The following RXYLT1 variants were observed in gnomAD, a reference collection of about 807,000 sequenced individuals.
The protein encoded by RXYLT1 is ribitol-5-phosphate xylosyltransferase 1.
In RXYLT1, 41 loss-of-function variants were observed where a neutral mutation model predicts 43.5. The ratio of observed to expected loss-of-function variants is 0.94; its 90% CI spans 0.73 to 1.22. The LOEUF is 1.22. Among genes scored for constraint, RXYLT1 ranks in the 50% most tolerant of loss-of-function variants. RXYLT1 has a pLI of 0.00. For missense variants in RXYLT1, 514 were observed against 532.0 expected (o/e 0.97, Z 0.33); for synonymous variants, 166 against 194.4 (o/e 0.85, Z 1.21).
At chr12:63,781,780 A>T (rs528468783) in intron 2 of RXYLT1, among the ~76,000 whole-genome samples, 1 of 152,268 alleles carries the variant, frequency 6.6e-6, no homozygotes, top group Non-Finnish European at 1.5e-5. Context: ...TTAAAGAGTC[A>T]CAAAGAATTT....
At chr12:63,792,991 C>T (rs1897951553) in intron 3 of RXYLT1, among the ~76,000 whole-genome samples, 2 of 152,204 alleles carry the variant, frequency 1.3e-5, no homozygotes, top group South Asian at 2.1e-4. Flanking sequence ...ACTACAGCCT[C>T]TAACTCCTGG....
At position 63,780,021 on chromosome 12, in the gene RXYLT1, C is replaced by G. The variant is rs767388678; in HGVS notation, c.61C>G (p.Leu21Val). 6.2e-7 allele frequency: 1 copy of G among 1,610,138 alleles called. No individual in the cohort carries two copies. Among genetic ancestry groups the G allele is most frequent in the Non-Finnish European group, 8.5e-7 (1 of 1,178,704 alleles). Residue 21 changes from leucine (L) to valine (V), a missense_variant, in exon 1 of 6, where the codon CTC becomes GTC. Physicochemically the swap from Leu to Val is conservative, Grantham distance 32 (BLOSUM62 1). Transcript: ENST00000261234. Reference sequence around the variant, plus strand: ...TATCGCCCTGTACTGCCTATTCTCCCTCTACGCTGCCTACCACGTCTTCTT... The same window carrying G: ...TATCGCCCTGTACTGCCTATTCTCCGTCTACGCTGCCTACCACGTCTTCTT... ...FLIALYCLFSLYAAYHVFFGR... is the reference protein window; with the variant it reads ...FLIALYCLFSVYAAYHVFFGR...
At chr12:63,788,673 T>C (rs1897857379) in intron 3 of RXYLT1, among the ~76,000 whole-genome samples, 1 of 152,250 alleles carries the variant, frequency 6.6e-6, no homozygotes, top group Non-Finnish European at 1.5e-5. Flanking sequence ...GGCTTTGGCT[T>C]AAGGGAATGT....
chr12:63,807,719 CA>C (rs2136234527), intron 5 of RXYLT1: 1 of 152,350 alleles, frequency 6.6e-6, no homozygotes, highest in Non-Finnish European at 1.5e-5. Context: ...TGCACGCCAT[CA>C]CGCCCGGCTA....
At chr12:63,786,309 C>G (rs1020018987) in intron 3 of RXYLT1, among the ~76,000 whole-genome samples, 9 of 152,066 alleles carry the variant, frequency 5.9e-5, no homozygotes, top group African/African-American at 2.2e-4. Flanking sequence ...AAAAGAAAGC[C>G]AAATGTATCC....
intron 3 of RXYLT1, among the ~76,000 whole-genome samples, chr12:63,798,053 C>A (rs1043567586): frequency 1.3e-5 from 2 of 152,126 alleles, no homozygotes; most frequent in Non-Finnish European, 2.9e-5. Context: ...TCTAGCCCAC[C>A]ACCCAACATC....
intron 2 of RXYLT1, among the ~76,000 whole-genome samples, chr12:63,783,067 T>C (rs1897720034): frequency 6.6e-6 from 1 of 152,224 alleles, no homozygotes; most frequent in Non-Finnish European, 1.5e-5. Context: ...CAGGATACAA[T>C]CCAACTAAGC....
intron 5 of RXYLT1, chr12:63,808,356 C>T (rs1284006178): frequency 3.1e-6 from 1 of 318,498 alleles, no homozygotes; most frequent in Admixed American, 5.3e-5. Flanking sequence ...ACCACTAGAA[C>T]TAGAATATAT....
chr12:63,793,808 T>A (rs1434389678), intron 3 of RXYLT1, among the ~76,000 whole-genome samples: 1 of 152,250 alleles, frequency 6.6e-6, no homozygotes, highest in East Asian at 1.9e-4. Flanking sequence ...ACACAATTTG[T>A]CATAGAATGG....
Position 63,805,197 on chromosome 12 carries a change from A to G in RXYLT1, c.744-37A>G, listed in dbSNP as rs773046463. 26 of 1,545,224 alleles carry G rather than the reference A, an allele frequency of 1.7e-5. No individual in the cohort carries two copies. In the African/African-American group the frequency reaches 1.8e-4, roughly 11 times the overall value. On this transcript the variant is annotated intron_variant, in intron 4 of 5. Coordinates refer to ENST00000261234, the MANE Select transcript of RXYLT1 (RefSeq NM_014254.3). ...GTTATGGGGAATTTTTGCCAATTCT[A>G]TATCATATGTTAATTCATGTGTATT...
chr12:63,784,370 C>T (rs1263242236), intron 2 of RXYLT1, among the ~76,000 whole-genome samples: 2 of 152,168 alleles, frequency 1.3e-5, no homozygotes, highest in Admixed American at 1.3e-4. Flanking sequence ...CACTGCTCTC[C>T]TCTACTCTCA....
chr12:63,806,493 C>CT (rs761529513), intron 5 of RXYLT1: 1 of 152,172 alleles, frequency 6.6e-6, no homozygotes, highest in Non-Finnish European at 1.5e-5. Flanking sequence ...TGGGAGAAGA[C>CT]TATTCCAGAC....
At position 63,785,625 on chromosome 12, in the gene RXYLT1, A is replaced by G. The variant is rs1009833309; in HGVS notation, c.428+553A>G. Among the ~76,000 whole-genome samples the G allele has an allele frequency of 2.0e-5, 3 of 152,006 alleles. No individual in the cohort carries two copies. In the South Asian group the frequency reaches 6.2e-4, roughly 32 times the overall value. ...CCTTTTTATATAACTCTTTTCTATG[A>G]CTGCATATTTTCTGAGTGTTTTTAA... On this transcript the variant is annotated intron_variant, in intron 3 of 5. Coordinates refer to ENST00000261234, the MANE Select transcript of RXYLT1 (RefSeq NM_014254.3).
chr12:63,796,662 G>C (rs1377318504), intron 3 of RXYLT1, among the ~76,000 whole-genome samples: 4 of 151,992 alleles, frequency 2.6e-5, no homozygotes, highest in Non-Finnish European at 4.4e-5. Flanking sequence ...AAAAGTAAAA[G>C]GAGCACATCA....
intron 5 of RXYLT1, chr12:63,807,474 T>G (rs1898324706): frequency 6.6e-6 from 1 of 152,256 alleles, no homozygotes; most frequent in Non-Finnish European, 1.5e-5. Context: ...GTTTTATACC[T>G]TCTTCTCTCC....
At chr12:63,783,352 T>C (rs1280374926) in intron 2 of RXYLT1, among the ~76,000 whole-genome samples, 4 of 151,954 alleles carry the variant, frequency 2.6e-5, no homozygotes. Context: ...TCCCAGCTAC[T>C]CAGGAGGCTG....
intron 1 of RXYLT1, among the ~76,000 whole-genome samples, chr12:63,780,701 A>AAC (rs1897661309): frequency 6.6e-6 from 1 of 152,228 alleles, no homozygotes; most frequent in South Asian, 2.1e-4. Flanking sequence ...ATGGATAAAA[A>AAC]TAATTGCAAA....
At chr12:63,793,098 T>G (rs1897953179) in intron 3 of RXYLT1, among the ~76,000 whole-genome samples, 1 of 152,208 alleles carries the variant, frequency 6.6e-6, no homozygotes, top group African/African-American at 2.4e-5. Context: ...ATGGGGTCAT[T>G]TTTAGAAATT....
chr12:63,783,515 T>C (rs548652856), intron 2 of RXYLT1, among the ~76,000 whole-genome samples: 1 of 152,260 alleles, frequency 6.6e-6, no homozygotes, highest in African/African-American at 2.4e-5. Flanking sequence ...ATCATTTAGA[T>C]ATCCTCTAAG....
Sources: allele counts gnomAD v4.1 joint callset (sites outside exome capture counted in the v4.1 genomes callset), GRCh38; gene constraint gnomAD v4.1.1; transcripts MANE v1.5; gene names NCBI Gene and HGNC (gene_info 2026-07-23, HGNC 2026-07-21).